Variants in ABCG8 observed in about 807,000 individuals in gnomAD.
The protein encoded by ABCG8 is ATP binding cassette subfamily G member 8, also known as ATP-binding cassette sub-family G member 8.
A neutral mutation model predicts 71.3 loss-of-function variants in ABCG8; 81 were observed. The observed-to-expected ratio is 1.14, with a 90% CI of 0.95 to 1.37. The LOEUF is 1.37. ABCG8 is among the 40% of genes most tolerant of loss of function. The pLI, the probability that ABCG8 is intolerant of heterozygous loss-of-function variation, is 0.00. For synonymous variants in ABCG8, 451 were observed against 354.7 expected (o/e 1.27, Z -3.05); for missense variants, 1,119 against 866.2 (o/e 1.29, Z -3.66).
chr2:43,871,704 C>A (rs965860580), intron 6 of ABCG8, among the ~76,000 whole-genome samples: 3 of 152,152 alleles, frequency 2.0e-5, no homozygotes, highest in Non-Finnish European at 4.4e-5. Flanking sequence ...GGGACTTGGG[C>A]GGGGCCTCTA....
chr2:43,839,581 C>T (rs1483565596), intron 1 of ABCG8, among the ~76,000 whole-genome samples: 1 of 151,768 alleles, frequency 6.6e-6, no homozygotes, highest in African/African-American at 2.4e-5. Flanking sequence ...CACCTGCCAC[C>T]ACACCTGGCA....
At position 43,851,760 on chromosome 2, in the gene ABCG8, T is replaced by G; in HGVS notation, c.499T>G (p.Leu167Val). 1 of 1,614,244 alleles carries G rather than the reference T, an allele frequency of 6.2e-7. No homozygotes were observed. The highest frequency in any genetic ancestry group is 1.1e-5 in the South Asian group (1 of 91,092). Residue 167 changes from leucine (L) to valine (V), a missense_variant, in exon 4 of 13, where the codon TTG becomes GTG. Physicochemically the swap from Leu to Val is conservative, Grantham distance 32. Transcript: ENST00000272286. ...LLPNLTVRET[L>V]AFIAQMRLPR... Reference sequence around the variant, plus strand: ...CCCCAACTTGACTGTGCGAGAGACCTTGGCCTTCATTGCCCAGATGCGGCT... The same window carrying G: ...CCCCAACTTGACTGTGCGAGAGACCGTGGCCTTCATTGCCCAGATGCGGCT...
intron 1 of ABCG8, among the ~76,000 whole-genome samples, chr2:43,841,544 G>T (rs1668581479): frequency 6.6e-6 from 1 of 152,158 alleles, no homozygotes; most frequent in African/African-American, 2.4e-5. Context: ...CCCAACCCAG[G>T]CACGAATTTT....
intron 6 of ABCG8, among the ~76,000 whole-genome samples, chr2:43,870,252 A>T (rs1000748777): frequency 1.3e-5 from 2 of 151,626 alleles, no homozygotes; most frequent in Non-Finnish European, 2.9e-5. Flanking sequence ...TAGAACTAGC[A>T]CTATCTGGGT....
rs1401659748 is a variant in ABCG8 at position 43,873,812 on chromosome 2, G to T, written c.1237G>T (p.Asp413Tyr). The change falls in exon 9 of 13, where the codon GAC becomes TAC. Residue 413 changes from aspartate (D) to tyrosine (Y), a missense_variant. Coordinates refer to ENST00000272286, the MANE Select transcript of ABCG8 (RefSeq NM_022437.3). ...IRRQISNDFR[D>Y]LPTLLIHGAE... The stretch of plus-strand genomic sequence containing the variant: ...TCGTCAGATTTCCAACGACTTCCGA[G>T]ACCTGCCCACCCTCCTCATCCATGG... The T allele has an allele frequency of 1.2e-6, 2 of 1,614,116 alleles. No individual in the cohort carries two copies. The highest frequency in any genetic ancestry group is 1.7e-6 in the Non-Finnish European group (2 of 1,180,034).
rs1022841550 is a variant in ABCG8, at chr2:43,881,541, T to A, written c.*3628T>A. The A allele has an allele frequency of 6.6e-6, 1 of 152,198 alleles. No homozygotes were observed. The highest frequency in any genetic ancestry group is 2.4e-5 in the African/African-American group (1 of 41,426). The allele number at this position is 152,198 out of a possible 1,614,324, so 9.4% of individuals were successfully genotyped here. ...CTGGCCAACATGGCAAAACCCTGCC[T>A]CTACTAAAAATACAAAAATTAGCTG... On this transcript the variant is annotated 3_prime_UTR_variant, in exon 13 of 13. Coordinates refer to ENST00000272286, the MANE Select transcript of ABCG8 (RefSeq NM_022437.3).
At chr2:43,873,587 A>G (rs1308806977) in intron 8 of ABCG8, among the ~76,000 whole-genome samples, 200 bp from the exon 9 acceptor site, 1 of 152,120 alleles carries the variant, frequency 6.6e-6, no homozygotes, top group African/African-American at 2.4e-5. Flanking sequence ...AAAAGTAACA[A>G]TCATTTATTG....
intron 1 of ABCG8, among the ~76,000 whole-genome samples, chr2:43,842,011 AG>A (rs1190922435): frequency 2.3e-5 from 3 of 127,770 alleles, no homozygotes; most frequent in Admixed American, 7.7e-5. Context: ...GAAATGGATA[AG>A]ATTTTTTTTT....
chr2:43,861,618 A>T (rs1669322503), intron 6 of ABCG8, among the ~76,000 whole-genome samples: 1 of 151,316 alleles, frequency 6.6e-6, no homozygotes. Context: ...TCTGGATAGA[A>T]TTCTTACTCT....
intron 6 of ABCG8, among the ~76,000 whole-genome samples, chr2:43,858,737 T>C (rs950781801): frequency 1.1e-4 from 13 of 118,826 alleles, no homozygotes; most frequent in Non-Finnish European, 2.3e-4. Flanking sequence ...TGGGTAGAAC[T>C]CTCACTATCT....
In ABCG8 at chr2:43,851,714, G is replaced by A. The variant is rs56132765; in HGVS notation, c.453G>A (p.Val151=). 0.062 allele frequency: 99,353 copies of A among 1,614,176 alleles called. 3,326 individuals carry two copies. The highest frequency in any genetic ancestry group is 0.092 in the Admixed American group (5,512 of 60,034). ...TGGTGAGGAAGTGTGTGGCCCACGT[G>A]CGCCAGCACAACCAGCTGCTCCCCA... ...PQLVRKCVAH[V]RQHNQLLPNL... is the part of the protein sequence containing the mutation. Residue 151 remains valine, a synonymous_variant, in exon 4 of 13, where the codon GTG becomes GTA. Transcript: ENST00000272286.
At chr2:43,859,117 C>A (rs927645147) in intron 6 of ABCG8, among the ~76,000 whole-genome samples, 16 of 151,230 alleles carry the variant, frequency 1.1e-4, no homozygotes, top group African/African-American at 3.4e-4. Flanking sequence ...AGAATTCTCA[C>A]TGTCTGGATA....
chr2:43,848,772 T>C lies in ABCG8; in HGVS notation c.322+2461T>C, dbSNP rs1252560606. 6.6e-5 allele frequency among the ~76,000 whole-genome samples: 10 copies of C among 151,960 alleles called. 1 individual carries two copies. The highest frequency in any genetic ancestry group is 6.5e-4 in the Admixed American group (10 of 15,270). On this transcript the variant is annotated intron_variant, in intron 3 of 12. Transcript: ENST00000272286. ...GGCTCATGCCTGTAATCCCAGCACT[T>C]TGGGAGGCTGAGGCAAGTGGATCAC...
chr2:43,849,044 A>G (rs1668832451), intron 3 of ABCG8, among the ~76,000 whole-genome samples: 1 of 151,396 alleles, frequency 6.6e-6, no homozygotes, highest in Non-Finnish European at 1.5e-5. Context: ...AAAAAAAAAA[A>G]AAGGAAAAGA....
At chr2:43,856,495 A>C (rs1669112442) in intron 6 of ABCG8, among the ~76,000 whole-genome samples, 1 of 151,408 alleles carries the variant, frequency 6.6e-6, no homozygotes, top group Non-Finnish European at 1.5e-5. Flanking sequence ...TGTGTATAAA[A>C]CTCTCACTGT....
intron 3 of ABCG8, chr2:43,846,519 A>G: frequency 3.0e-6 from 2 of 676,656 alleles, no homozygotes; most frequent in Admixed American, 2.3e-5. Flanking sequence ...GCTGTTGTTA[A>G]GAGTCATGAG....
intron 6 of ABCG8, among the ~76,000 whole-genome samples, chr2:43,865,308 A>G (rs1376992265): frequency 7.0e-6 from 1 of 143,256 alleles, no homozygotes; most frequent in Non-Finnish European, 1.6e-5. Context: ...CAGTCTCTGC[A>G]TAGAACTGTC....
intron 6 of ABCG8, among the ~76,000 whole-genome samples, chr2:43,858,354 A>G (rs899583985): frequency 5.9e-5 from 9 of 151,692 alleles, no homozygotes; most frequent in Middle Eastern, 3.4e-3. Flanking sequence ...AACTGGGAGG[A>G]ACTCTCACTA....
rs757060667 is a variant in ABCG8, at chr2:43,851,665, A to T, written c.404A>T (p.Asn135Ile). The T allele has an allele frequency of 5.6e-6, 9 of 1,614,236 alleles. No homozygotes were observed. The South Asian group carries it at 8.8e-5, about 16-fold the overall frequency. Residue 135 changes from asparagine (N) to isoleucine (I), a missense_variant, in exon 4 of 13, where the codon AAT becomes ATT. Coordinates refer to ENST00000272286, the MANE Select transcript of ABCG8 (RefSeq NM_022437.3). ...GKIKSGQIWI[N>I]GQPSSPQLVR... The stretch of plus-strand genomic sequence containing the variant: ...ATCAAGTCAGGCCAGATCTGGATCA[A>T]TGGGCAGCCCAGCTCGCCTCAGCTG...
Sources: gnomAD v4.1 joint callset for allele counts (sites outside exome capture counted in the v4.1 genomes callset) on GRCh38, gnomAD v4.1.1 for gene constraint, MANE v1.5 for transcripts, NCBI Gene and HGNC (gene_info 2026-07-23, HGNC 2026-07-21) for gene names.